The following ZC3HC1 variants were observed in gnomAD, a reference collection of about 807,000 sequenced individuals.
The protein encoded by ZC3HC1 is zinc finger C3HC-type containing 1, also known as zinc finger C3HC-type protein 1.
A neutral mutation model predicts 61.9 loss-of-function variants in ZC3HC1; 38 were observed. The ratio of observed to expected loss-of-function variants is 0.61; its 90% CI spans 0.47 to 0.81. The LOEUF is 0.81. Ranked by LOEUF, ZC3HC1 falls within the 30% of genes least tolerant of loss-of-function variation. The pLI is 0.00. For synonymous variants in ZC3HC1, 213 were observed against 229.9 expected (o/e 0.93, Z 0.67); for missense variants, 554 against 622.7 (o/e 0.89, Z 1.17).
intron 4 of ZC3HC1, among the ~76,000 whole-genome samples, chr7:130,036,322 G>A (rs1278945881): frequency 1.3e-5 from 2 of 152,016 alleles, no homozygotes; most frequent in Admixed American, 1.3e-4. Context: ...GTTCAAGACA[G>A]CCTGGCCAAA....
At chr7:130,030,813 C>G (rs1018770788) in intron 4 of ZC3HC1, among the ~76,000 whole-genome samples, 6 of 151,548 alleles carry the variant, frequency 4.0e-5, no homozygotes, top group Admixed American at 2.6e-4. Flanking sequence ...GGACTACAGG[C>G]GCCCGCCACT....
intron 6 of ZC3HC1, 102 bp from the exon 7 acceptor site, chr7:130,024,608 C>T (rs187144700): frequency 3.0e-6 from 4 of 1,320,336 alleles, no homozygotes; most frequent in Admixed American, 5.1e-5. Flanking sequence ...ATTTCTGGAA[C>T]AGTCACCATG....
intron 4 of ZC3HC1, among the ~76,000 whole-genome samples, chr7:130,030,674 CTTT>C (rs1272691508): frequency 7.1e-6 from 1 of 140,998 alleles, no homozygotes. Context: ...CACTCATAAT[CTTT>C]TTTTTTTTTT....
chr7:130,022,540 A>G lies in ZC3HC1; in HGVS notation c.1234-15T>C. ...GAAGATGTGTCCTGAGGAAGGAGAA[A>G]AAGAAATAGCATTCATAGGTAGATG... On this transcript the variant is annotated splice_polypyrimidine_tract_variant and intron_variant, in intron 8 of 9. Transcript: ENST00000358303. 2 of 1,613,880 alleles carry G rather than the reference A, an allele frequency of 1.2e-6. No individual in the cohort carries two copies. The highest frequency in any genetic ancestry group is 1.7e-6 in the Non-Finnish European group (2 of 1,179,902).
intron 2 of ZC3HC1, among the ~76,000 whole-genome samples, chr7:130,048,600 C>T (rs1794956208): frequency 6.6e-6 from 1 of 152,016 alleles, no homozygotes; most frequent in Non-Finnish European, 1.5e-5. Context: ...GTAGTGTAGT[C>T]TCTAATAATC....
At chr7:130,028,163 C>CAAAAAA (rs58430072) in intron 5 of ZC3HC1, among the ~76,000 whole-genome samples, 2 of 34,092 alleles carry the variant, frequency 5.9e-5, no homozygotes, top group Admixed American at 5.7e-4. Flanking sequence ...GACTCTGTCT[C>CAAAAAA]AAAAAAAAAA....
chr7:130,024,642 A>G, intron 6 of ZC3HC1, 136 bp from the exon 7 acceptor site: 1 of 1,002,396 alleles, frequency 1.0e-6, no homozygotes, highest in Middle Eastern at 3.2e-4. Context: ...TCTGTGCTCC[A>G]GTCTCAGGAC....
At chr7:130,021,738 T>C (rs972096941) in intron 9 of ZC3HC1, among the ~76,000 whole-genome samples, 1 of 152,186 alleles carries the variant, frequency 6.6e-6, no homozygotes, top group Non-Finnish European at 1.5e-5. Context: ...TATTTCTGTT[T>C]CCGTACTCCT....
At chr7:130,026,501 T>A in intron 5 of ZC3HC1, 189 bp from the exon 6 acceptor site, 1 of 500,464 alleles carries the variant, frequency 2.0e-6, no homozygotes, top group Non-Finnish European at 3.4e-6. Flanking sequence ...CTTTCTGAAT[T>A]GCCCTGAATC....
chr7:130,042,302 CAA>C (rs932185993), intron 2 of ZC3HC1, among the ~76,000 whole-genome samples: 45 of 68,080 alleles, frequency 6.6e-4, no homozygotes, highest in Middle Eastern at 9.4e-3. Context: ...GACCCTGTCT[CAA>C]AAAAAAAAAA....
chr7:130,026,273 G>C lies in ZC3HC1; in HGVS notation c.661C>G (p.Leu221Val). 1.2e-6 allele frequency: 2 copies of C among 1,613,942 alleles called. No individual in the cohort carries two copies. The highest frequency in any genetic ancestry group is 8.5e-7 in the Non-Finnish European group (1 of 1,179,908). Reference protein sequence around the residue: ...EDKISLLLHLLEDELDHRTDE... With the variant: ...EDKISLLLHLVEDELDHRTDE... ...GTTCGGTGATCAAGTTCATCTTCAAGCAAGTGTAGGAGAAGACTGATCTTG... is the reference window on the plus strand; with the variant it reads ...GTTCGGTGATCAAGTTCATCTTCAACCAAGTGTAGGAGAAGACTGATCTTG... Residue 221 changes from leucine to valine, a missense_variant, in exon 6 of 10, where the codon CTT becomes GTT. Transcript: ENST00000358303.
chr7:130,024,855 C>CCAA (rs138575332), intron 6 of ZC3HC1, among the ~76,000 whole-genome samples: 86,541 of 137,984 alleles, frequency 0.63, 28,077 homozygotes, highest in East Asian at 0.99. Flanking sequence ...ACCAGCCTGA[C>CCAA]CAACAACAAC....
intron 6 of ZC3HC1, 25 bp from the exon 7 acceptor site, chr7:130,024,531 T>C (rs776822035): frequency 1.3e-6 from 2 of 1,584,360 alleles, no homozygotes; most frequent in Non-Finnish European, 1.7e-6. Flanking sequence ...AAAAGAGAGT[T>C]TTCTCAAAGT....
At chr7:130,029,658 T>G (rs766716979) in intron 4 of ZC3HC1, among the ~76,000 whole-genome samples, 9 of 152,196 alleles carry the variant, frequency 5.9e-5, no homozygotes, top group Non-Finnish European at 1.2e-4. Flanking sequence ...GGCCATGAGT[T>G]GATCATTGTT....
At position 130,023,272 on chromosome 7, in the gene ZC3HC1, C is replaced by T. The variant is rs897167465; in HGVS notation, c.1233+239G>A. ...GATCAGGTTTGTCCCTGTATCACAC[C>T]GTTGTTCCATTTGCCTGAAATATCT... is the stretch of plus-strand genomic sequence containing the variant. On this transcript the variant is annotated intron_variant, in intron 8 of 9. Transcript: ENST00000358303. This position sits in a 1 kb window ranked among gnomAD's most constrained non-coding sequence, Gnocchi z 4.2. 8.5e-5 allele frequency among the ~76,000 whole-genome samples: 13 copies of T among 152,216 alleles called. No homozygotes were observed. Among genetic ancestry groups the T allele is most frequent in the African/African-American group, 2.9e-4 (12 of 41,528 alleles).
At chr7:130,047,463 T>G (rs1794909222) in intron 2 of ZC3HC1, among the ~76,000 whole-genome samples, 1 of 152,086 alleles carries the variant, frequency 6.6e-6, no homozygotes, top group East Asian at 1.9e-4. Context: ...ATTCTGAGAT[T>G]TTGTTAATTT....
chr7:130,050,542 T>C, intron 1 of ZC3HC1: 1 of 1,400,004 alleles, frequency 7.1e-7, no homozygotes, highest in Non-Finnish European at 9.4e-7. Flanking sequence ...AAAAATGACA[T>C]TTATTTCTCT....
intron 2 of ZC3HC1, among the ~76,000 whole-genome samples, chr7:130,046,791 G>T (rs1233018446): frequency 6.6e-6 from 1 of 152,098 alleles, no homozygotes; most frequent in Non-Finnish European, 1.5e-5. Context: ...TAATATTCCA[G>T]TATAAGTTTT....
At chr7:130,045,046 T>C (rs1029785787) in intron 2 of ZC3HC1, among the ~76,000 whole-genome samples, 2 of 152,202 alleles carry the variant, frequency 1.3e-5, no homozygotes, top group Non-Finnish European at 2.9e-5. Context: ...ACTTCAACTA[T>C]AAAGAATGTT....
Sources: gnomAD v4.1 joint callset for allele counts (sites outside exome capture counted in the v4.1 genomes callset) on GRCh38, gnomAD v4.1.1 for gene constraint, Gnocchi (gnomAD v3.1) non-coding constraint, MANE v1.5 for transcripts, NCBI Gene and HGNC (gene_info 2026-07-23, HGNC 2026-07-21) for gene names.